The following SND1 variants were observed in gnomAD, a reference collection of about 807,000 sequenced individuals.
The protein encoded by SND1 is staphylococcal nuclease domain-containing protein 1.
A neutral mutation model predicts 121.7 loss-of-function variants in SND1; 38 were observed. The observed-to-expected ratio is 0.31, with a 90% confidence interval of 0.24 to 0.41. SND1 has a LOEUF of 0.41. Ranked by LOEUF, SND1 falls within the 10% of genes least tolerant of loss-of-function variation. The pLI is 1.00. For missense variants in SND1, 868 were observed against 1,184.6 expected, an observed-to-expected ratio of 0.73 and a Z score of 3.92; for synonymous variants, 401 against 447.4, an observed-to-expected ratio of 0.90 and a Z score of 1.31.
rs1472619327 is a variant in SND1 at position 127,725,477 on chromosome 7, C to T, written c.1152+4077C>T. Among the ~76,000 whole-genome samples the T allele has an allele frequency of 2.0e-5, 3 of 152,206 alleles. No individual in the cohort carries two copies. In the East Asian group the frequency reaches 5.8e-4, roughly 29 times the overall value. On this transcript the variant is annotated intron_variant, in intron 10 of 23. Coordinates refer to ENST00000354725, the MANE Select transcript of SND1 (RefSeq NM_014390.4). ...GCACAGCATGGGTAAAAATATGGGCCTGCCCTAGTTAGAACAGGCTGGTAG... is the reference window on the plus strand; with the variant it reads ...GCACAGCATGGGTAAAAATATGGGCTTGCCCTAGTTAGAACAGGCTGGTAG...
chr7:127,776,244 G>A (rs1797618378), intron 10 of SND1, among the ~76,000 whole-genome samples: 1 of 152,172 alleles, frequency 6.6e-6, no homozygotes, highest in Non-Finnish European at 1.5e-5. Context: ...ACAATATCAA[G>A]AGTAGGTTTC....
chr7:127,807,561 T>G lies in SND1; in HGVS notation c.1230T>G (p.Leu410=), dbSNP rs1212916164. Residue 410 remains leucine, a synonymous_variant, in exon 11 of 24, where the codon CTT becomes CTG. Coordinates refer to ENST00000354725, the MANE Select transcript of SND1 (RefSeq NM_014390.4). ...FEAREFLRKK[L]IGKKVNVTVD... ...CCCGGGAATTTCTTCGAAAAAAGCT[T>G]ATTGGGAAGAAGGTAAGTAATTGAT... 4 of 1,613,252 alleles carry G rather than the reference T, an allele frequency of 2.5e-6. No individual in the cohort carries two copies. Among genetic ancestry groups the G allele is most frequent in the African/African-American group, 2.7e-5 (2 of 74,896 alleles).
intron 16 of SND1, among the ~76,000 whole-genome samples, chr7:128,033,685 C>T (rs1792694368): frequency 6.6e-6 from 1 of 152,166 alleles, no homozygotes; most frequent in Admixed American, 6.5e-5. Context: ...CAAATAATAA[C>T]CTTGTTAGTT....
rs749583832 is a variant in SND1, at chr7:128,029,716, G to A, written c.1779+38660G>A. On this transcript the variant is annotated intron_variant, in intron 16 of 23. Transcript: ENST00000354725. This position sits in a 1 kb window ranked among gnomAD's most constrained non-coding sequence, Gnocchi z 4.2. ...TCTCGAAGCCACCAGGCTAGCCACA[G>A]AATGTCACAATCACAGTTCCAAGGG... 6.2e-7 allele frequency: 1 copy of A among 1,614,148 alleles called. No individual in the cohort carries two copies. Among genetic ancestry groups the A allele is most frequent in the African/African-American group, 1.3e-5 (1 of 75,052 alleles).
At chr7:127,725,459 A>G (rs1020905060) in intron 10 of SND1, among the ~76,000 whole-genome samples, 1 of 152,218 alleles carries the variant, frequency 6.6e-6, no homozygotes, top group African/African-American at 2.4e-5. Context: ...AAGGCACAGC[A>G]TGGGTAAAAA....
At chr7:127,779,045 TAGTC>T (rs777769541) in intron 10 of SND1, among the ~76,000 whole-genome samples, 1 of 152,228 alleles carries the variant, frequency 6.6e-6, no homozygotes, top group Non-Finnish European at 1.5e-5. Context: ...GTTTCCTAAT[TAGTC>T]CATATGTAAT....
intron 10 of SND1, among the ~76,000 whole-genome samples, chr7:127,736,854 G>C (rs536180632): frequency 1.3e-5 from 2 of 152,140 alleles, no homozygotes; most frequent in Admixed American, 6.5e-5. Context: ...TGTTGCCCTG[G>C]CTGGGAACCG....
At chr7:127,843,488 A>G (rs545644695) in intron 11 of SND1, among the ~76,000 whole-genome samples, 6 of 152,314 alleles carry the variant, frequency 3.9e-5, no homozygotes. Context: ...TATAGTTGGA[A>G]TCATACAGTA....
At chr7:127,777,482 T>A (rs902785946) in intron 10 of SND1, among the ~76,000 whole-genome samples, 5 of 152,178 alleles carry the variant, frequency 3.3e-5, no homozygotes, top group Admixed American at 6.5e-5. Flanking sequence ...CTTAATTGGA[T>A]AAATTGAAGA....
chr7:128,069,222 T>C (rs904373394), intron 16 of SND1, among the ~76,000 whole-genome samples: 2 of 152,124 alleles, frequency 1.3e-5, no homozygotes, highest in East Asian at 1.9e-4. Context: ...ATAAAGGAGC[T>C]CATTAAGCAG....
chr7:128,011,892 A>ATT (rs1254909097), intron 16 of SND1, among the ~76,000 whole-genome samples: 1 of 152,256 alleles, frequency 6.6e-6, no homozygotes, highest in Admixed American at 6.5e-5. Context: ...TGAAGCAAAT[A>ATT]TGACAACTTT....
chr7:127,947,441 T>C (rs1342791899), intron 15 of SND1, among the ~76,000 whole-genome samples: 1 of 152,214 alleles, frequency 6.6e-6, no homozygotes, highest in Non-Finnish European at 1.5e-5. Context: ...CATATACACT[T>C]CGAAGCATGT....
At chr7:127,956,037 T>C (rs1212072460) in intron 15 of SND1, among the ~76,000 whole-genome samples, 1 of 152,206 alleles carries the variant, frequency 6.6e-6, no homozygotes, top group African/African-American at 2.4e-5. Context: ...TTGCCTTCTC[T>C]CTTTTTATCA....
At chr7:127,672,744 A>G (rs1161550587) in intron 1 of SND1, among the ~76,000 whole-genome samples, 1 of 152,166 alleles carries the variant, frequency 6.6e-6, no homozygotes, top group Non-Finnish European at 1.5e-5. Flanking sequence ...TCCTTCATTC[A>G]GAAATAATTC....
intron 10 of SND1, among the ~76,000 whole-genome samples, chr7:127,790,248 G>A (rs1797883946): frequency 6.6e-6 from 1 of 152,150 alleles, no homozygotes; most frequent in Admixed American, 6.5e-5. Context: ...GGGTGAGGAG[G>A]TCACCTTGTA....
chr7:127,817,946 C>G (rs1798478173), intron 11 of SND1, among the ~76,000 whole-genome samples: 1 of 151,970 alleles, frequency 6.6e-6, no homozygotes, highest in Non-Finnish European at 1.5e-5. Context: ...TTGACATTGA[C>G]AATGACGTCG....
At chr7:127,968,766 TC>T (rs1193247954) in intron 15 of SND1, among the ~76,000 whole-genome samples, 6 of 152,178 alleles carry the variant, frequency 3.9e-5, no homozygotes, top group Admixed American at 6.5e-5. Flanking sequence ...GCTTGTGCTC[TC>T]CCAAGCATAA....
chr7:127,761,125 G>T (rs1171514698), intron 10 of SND1, among the ~76,000 whole-genome samples: 3 of 152,006 alleles, frequency 2.0e-5, no homozygotes, highest in Admixed American at 2.0e-4. Flanking sequence ...TATCATCTTG[G>T]CCATCAAGTA....
chr7:127,799,837 C>T (rs891604698), intron 10 of SND1, among the ~76,000 whole-genome samples: 1 of 152,160 alleles, frequency 6.6e-6, no homozygotes, highest in Non-Finnish European at 1.5e-5. Context: ...CTTGAAACAA[C>T]TCTTGAGGTA....
Sources: gnomAD v4.1 joint callset for allele counts (sites outside exome capture counted in the v4.1 genomes callset) on GRCh38, gnomAD v4.1.1 for gene constraint, Gnocchi (gnomAD v3.1) non-coding constraint, MANE v1.5 for transcripts, NCBI Gene and HGNC (gene_info 2026-07-23, HGNC 2026-07-21) for gene names.